The following GLCE variants were observed in gnomAD, a reference collection of about 807,000 sequenced individuals.
GLCE encodes D-glucuronyl C5-epimerase.
GLCE carries 19 observed loss-of-function variants against 47.9 expected under a neutral mutation model. The ratio of observed to expected loss-of-function variants is 0.40; its 90% confidence interval spans 0.28 to 0.58. The LOEUF (loss-of-function observed/expected upper bound fraction) is 0.58, where lower values mean the gene tolerates loss of function less well. Ranked by LOEUF, GLCE falls within the 20% of genes least tolerant of loss-of-function variation. The pLI is 0.48. For missense variants in GLCE, 556 were observed against 743.3 expected (o/e 0.75, Z 2.93); for synonymous variants, 245 against 263.4 (o/e 0.93, Z 0.68).
intron 4 of GLCE, among the ~76,000 whole-genome samples, chr15:69,265,997 T>G (rs1396912378): frequency 6.6e-6 from 1 of 152,230 alleles, no homozygotes; most frequent in Admixed American, 6.5e-5. Context: ...AGATCCCATT[T>G]TACTATAGAT....
intron 3 of GLCE, 123 bp from the exon 4 acceptor site, chr15:69,260,964 G>A: frequency 1.1e-6 from 1 of 876,544 alleles, no homozygotes. Flanking sequence ...AGTATTATAA[G>A]GAAGCCCACA....
At chr15:69,171,394 A>G (rs946010034) in intron 1 of GLCE, among the ~76,000 whole-genome samples, 1 of 149,826 alleles carries the variant, frequency 6.7e-6, no homozygotes, top group Non-Finnish European at 1.5e-5. Context: ...CTTTTGGGAT[A>G]TATTCTTTTT....
intron 4 of GLCE, among the ~76,000 whole-genome samples, chr15:69,265,138 G>C (rs554915792): frequency 3.4e-4 from 51 of 152,022 alleles, no homozygotes; most frequent in Non-Finnish European, 6.9e-4. Flanking sequence ...CTTAAATGTT[G>C]ATCATCCTTT....
chr15:69,246,717 GAAA>G (rs60267132), intron 2 of GLCE, among the ~76,000 whole-genome samples: 5 of 100,246 alleles, frequency 5.0e-5, no homozygotes, highest in Admixed American at 2.3e-4. Flanking sequence ...CTCCATCTCA[GAAA>G]AAAAAAAAAA....
intron 1 of GLCE, among the ~76,000 whole-genome samples, chr15:69,161,679 G>T (rs1419893145): frequency 2.0e-5 from 3 of 152,224 alleles, no homozygotes; most frequent in African/African-American, 7.2e-5. Context: ...CTTAGTTGGA[G>T]GATTGATCGG....
intron 1 of GLCE, among the ~76,000 whole-genome samples, chr15:69,195,378 A>G (rs1205832564): frequency 2.0e-5 from 3 of 152,082 alleles, no homozygotes; most frequent in African/African-American, 7.2e-5. Flanking sequence ...TGGAAAATGG[A>G]TGGAAAACAC....
At chr15:69,165,571 T>G (rs1262950788) in intron 1 of GLCE, among the ~76,000 whole-genome samples, 1 of 151,012 alleles carries the variant, frequency 6.6e-6, no homozygotes, top group Non-Finnish European at 1.5e-5. Flanking sequence ...CTTTCTTTAC[T>G]GTCTGCTTTT....
At chr15:69,182,415 A>G (rs771184939) in intron 1 of GLCE, among the ~76,000 whole-genome samples, 27 of 152,096 alleles carry the variant, frequency 1.8e-4, no homozygotes, top group Admixed American at 3.3e-4. Flanking sequence ...GAGTCCATCC[A>G]GCCACATGCA....
intron 2 of GLCE, among the ~76,000 whole-genome samples, chr15:69,214,994 A>G (rs1246439134): frequency 1.3e-5 from 2 of 152,048 alleles, no homozygotes; most frequent in Non-Finnish European, 2.9e-5. Context: ...CCATCAATCT[A>G]CTGTGCCATT....
intron 1 of GLCE, among the ~76,000 whole-genome samples, chr15:69,209,182 C>G (rs1175502417): frequency 6.6e-6 from 1 of 151,772 alleles, no homozygotes; most frequent in African/African-American, 2.4e-5. Flanking sequence ...AATGTTTGCA[C>G]TTACTTGTTA....
intron 1 of GLCE, among the ~76,000 whole-genome samples, chr15:69,184,894 A>G (rs2051800125): frequency 6.6e-6 from 1 of 152,234 alleles, no homozygotes; most frequent in Non-Finnish European, 1.5e-5. Context: ...AACCTTAACC[A>G]GAGGCCACCA....
chr15:69,253,392 C>G (rs1295963511), intron 2 of GLCE, among the ~76,000 whole-genome samples: 1 of 152,228 alleles, frequency 6.6e-6, no homozygotes, highest in Non-Finnish European at 1.5e-5. Context: ...TCTTTTTATC[C>G]CCTCCAGGGG....
intron 1 of GLCE, among the ~76,000 whole-genome samples, chr15:69,194,774 T>G (rs2051961578): frequency 6.6e-6 from 1 of 152,156 alleles, no homozygotes; most frequent in African/African-American, 2.4e-5. Flanking sequence ...CTCAATTTTC[T>G]TTATTTTTAT....
intron 2 of GLCE, among the ~76,000 whole-genome samples, chr15:69,253,877 A>G (rs1210604319): frequency 6.6e-6 from 1 of 152,224 alleles, no homozygotes; most frequent in Non-Finnish European, 1.5e-5. Flanking sequence ...AGTATTGCCT[A>G]CAACATTTTA....
intron 2 of GLCE, among the ~76,000 whole-genome samples, chr15:69,247,700 A>G (rs1007697672): frequency 1.3e-5 from 2 of 152,160 alleles, no homozygotes; most frequent in African/African-American, 4.8e-5. Flanking sequence ...TTGAATAGTT[A>G]CTGGTCATTG....
In GLCE at chr15:69,269,477, A is replaced by AG. The variant is rs1274756730; in HGVS notation, c.*234dup. On this transcript the variant is annotated 3_prime_UTR_variant, in exon 5 of 5. Coordinates refer to ENST00000261858, the MANE Select transcript of GLCE (RefSeq NM_015554.3). The stretch of plus-strand genomic sequence containing the variant: ...AATGTTTAATCAATGGGCTGAACAA[A>AG]GATGCTTCACTTTGCCTTGCCCATC... 1 of 537,406 alleles carries AG rather than the reference A, an allele frequency of 1.9e-6. No individual in the cohort carries two copies. Among genetic ancestry groups the AG allele is most frequent in the African/African-American group, 1.9e-5 (1 of 52,820 alleles). 33.3% of individuals were successfully genotyped at this position (537,406 alleles called of 1,614,324 possible).
Position 69,269,427 on chromosome 15 carries a change from G to A in GLCE, c.*183G>A, listed in dbSNP as rs927639539. On this transcript the variant is annotated 3_prime_UTR_variant, in exon 5 of 5. Transcript: ENST00000261858. The stretch of plus-strand genomic sequence containing the variant: ...TTGCATTCCATGGGTTGGGTATTTA[G>A]AAATGTAGGTGGCATTTAGAACACA... The A allele has an allele frequency of 1.7e-5, 10 of 593,306 alleles. No individual in the cohort carries two copies. Among genetic ancestry groups the A allele is most frequent in the Non-Finnish European group, 2.7e-5 (9 of 336,466 alleles). The allele number at this position is 593,306 out of a possible 1,614,324, so 36.8% of individuals were successfully genotyped here.
intron 1 of GLCE, among the ~76,000 whole-genome samples, chr15:69,203,161 G>A (rs1482529249): frequency 6.6e-6 from 1 of 152,048 alleles, no homozygotes; most frequent in Non-Finnish European, 1.5e-5. Flanking sequence ...ATCCTGTTGG[G>A]TTTAGTTCAT....
chr15:69,184,846 A>G (rs2051799515), intron 1 of GLCE, among the ~76,000 whole-genome samples: 1 of 152,204 alleles, frequency 6.6e-6, no homozygotes, highest in Non-Finnish European at 1.5e-5. Flanking sequence ...ATGTTCTATA[A>G]GGAGGAAAAA....
Sources: allele counts gnomAD v4.1 joint callset (sites outside exome capture counted in the v4.1 genomes callset), GRCh38; gene constraint gnomAD v4.1.1; transcripts MANE v1.5; gene names NCBI Gene and HGNC (gene_info 2026-07-23, HGNC 2026-07-21).